SHISA9: variants seen among roughly 807,000 people sequenced by gnomAD.
SHISA9 encodes shisa family member 9.
Under a neutral mutation model 38.0 loss-of-function variants are expected in SHISA9, and 13 were observed. The ratio of observed to expected loss-of-function variants is 0.34; its 90% CI spans 0.22 to 0.54. The LOEUF (loss-of-function observed/expected upper bound fraction) is 0.54. SHISA9 is among the 20% of genes least tolerant of loss of function. The probability of loss-of-function intolerance (pLI) is 0.91; values close to 1 mark genes in which losing one functional copy is unlikely to be tolerated. For missense variants in SHISA9, 538 were observed against 575.8 expected (o/e 0.93, Z 0.67); for synonymous variants, 275 against 242.0 (o/e 1.14, Z -1.27).
chr16:13,480,994 A>T, the SHISA9 span, among the ~76,000 whole-genome samples: 2 of 152,196 alleles, frequency 1.3e-5, no homozygotes, highest in African/African-American at 4.8e-5. Flanking sequence ...CCTTTTTTCT[A>T]TAAGCAATTA....
chr16:13,044,071 T>C (rs1216375273), intron 2 of SHISA9, among the ~76,000 whole-genome samples: 4 of 152,238 alleles, frequency 2.6e-5, no homozygotes, highest in Non-Finnish European at 5.9e-5. Context: ...TGGCTAGAGT[T>C]TGAAACTGGC....
intron 2 of SHISA9, among the ~76,000 whole-genome samples, chr16:13,022,134 T>C (rs1266838029): frequency 6.6e-6 from 1 of 152,016 alleles, no homozygotes; most frequent in Non-Finnish European, 1.5e-5. Context: ...TATCTGCGTG[T>C]CTCAAATCTC....
intron 2 of SHISA9, among the ~76,000 whole-genome samples, chr16:12,918,286 G>A (rs1317891178): frequency 1.3e-5 from 2 of 152,052 alleles, no homozygotes; most frequent in Non-Finnish European, 2.9e-5. Flanking sequence ...CTTTCAGTTC[G>A]CACTGGGAAA....
the SHISA9 span, among the ~76,000 whole-genome samples, chr16:13,427,135 T>G: frequency 1.3e-5 from 2 of 152,210 alleles, no homozygotes; most frequent in African/African-American, 2.4e-5. Flanking sequence ...GAAAGGGAGC[T>G]CTGGAGAGCA....
the SHISA9 span, among the ~76,000 whole-genome samples, chr16:13,484,007 A>G: frequency 6.6e-6 from 1 of 152,160 alleles, no homozygotes; most frequent in Non-Finnish European, 1.5e-5. Context: ...GAAATTTCAG[A>G]GGCCTGGGCT....
At chr16:12,976,795 C>A (rs956720716) in intron 2 of SHISA9, among the ~76,000 whole-genome samples, 1 of 151,992 alleles carries the variant, frequency 6.6e-6, no homozygotes, top group Non-Finnish European at 1.5e-5. Flanking sequence ...TCACCTGTGG[C>A]TTTGCCTGGA....
the SHISA9 span, among the ~76,000 whole-genome samples, chr16:13,433,053 C>A: frequency 6.6e-6 from 1 of 151,356 alleles, no homozygotes; most frequent in African/African-American, 2.4e-5. Context: ...GCACTTGTAA[C>A]CCTGAACTTA....
chr16:13,028,482 GAGA>G (rs1441422495), intron 2 of SHISA9, among the ~76,000 whole-genome samples: 2 of 152,294 alleles, frequency 1.3e-5, no homozygotes, highest in East Asian at 1.9e-4. Context: ...GCAGGCAAGA[GAGA>G]AGGAGAGCCA....
the SHISA9 span, among the ~76,000 whole-genome samples, chr16:13,486,168 G>A: frequency 6.6e-5 from 10 of 152,170 alleles, no homozygotes; most frequent in Non-Finnish European, 1.5e-4. Context: ...CCCTGAGAAT[G>A]GGGATCTAGA....
Position 12,974,340 on chromosome 16 carries a change from C to G in SHISA9, c.691+57525C>G, listed in dbSNP as rs61609125. On this transcript the variant is annotated intron_variant, in intron 2 of 4. Coordinates refer to ENST00000558583, the MANE Select transcript of SHISA9 (RefSeq NM_001145204.3). The stretch of plus-strand genomic sequence containing the variant: ...TTCCCTAAAGGAAAATTGACATGTT[C>G]TTACCCAAAGAAGGAGGCATGGAAA... Among the ~76,000 whole-genome samples the G allele has an allele frequency of 7.2e-3, 1,101 of 152,102 alleles. 34 individuals are homozygous for G. In the East Asian group the frequency reaches 0.12, roughly 16 times the overall value.
chr16:13,282,702 T>C, the SHISA9 span, among the ~76,000 whole-genome samples: 2 of 152,148 alleles, frequency 1.3e-5, no homozygotes, highest in Non-Finnish European at 2.9e-5. Flanking sequence ...TGTTTTGTTC[T>C]TTAGGTTGCA....
the SHISA9 span, among the ~76,000 whole-genome samples, chr16:13,420,117 G>A: frequency 1.4e-4 from 22 of 151,880 alleles, no homozygotes; most frequent in African/African-American, 4.3e-4. Flanking sequence ...GTGGTGGTGG[G>A]CACCTGTAAT....
At chr16:12,924,762 C>G (rs1057159049) in intron 2 of SHISA9, among the ~76,000 whole-genome samples, 1 of 152,170 alleles carries the variant, frequency 6.6e-6, no homozygotes, top group African/African-American at 2.4e-5. Flanking sequence ...TGACATTGAA[C>G]ATGGCTTTGA....
chr16:13,061,880 A>C (rs966426311), intron 2 of SHISA9, among the ~76,000 whole-genome samples: 1 of 152,144 alleles, frequency 6.6e-6, no homozygotes, highest in Admixed American at 6.5e-5. Context: ...AGAGCCATTG[A>C]ATGGTGGGGG....
At chr16:13,085,589 G>C (rs1475359725) in intron 2 of SHISA9, among the ~76,000 whole-genome samples, 1 of 152,180 alleles carries the variant, frequency 6.6e-6, no homozygotes, top group African/African-American at 2.4e-5. Flanking sequence ...CAGGGTTCAA[G>C]GCTGATAAAA....
At chr16:13,251,509 C>A in the SHISA9 span, among the ~76,000 whole-genome samples, 3 of 152,012 alleles carry the variant, frequency 2.0e-5, no homozygotes, top group Non-Finnish European at 2.9e-5. Flanking sequence ...CTAATGGTTG[C>A]GGGGAGAGGG....
At chr16:12,953,192 AAAAC>A (rs1434030248) in intron 2 of SHISA9, among the ~76,000 whole-genome samples, 3 of 149,438 alleles carry the variant, frequency 2.0e-5, no homozygotes, top group South Asian at 2.1e-4. Flanking sequence ...AAAAAAAAGA[AAAAC>A]AAAAAAACCC....
the SHISA9 span, among the ~76,000 whole-genome samples, chr16:13,529,388 G>C: frequency 6.6e-6 from 1 of 152,228 alleles, no homozygotes; most frequent in East Asian, 1.9e-4. Context: ...TTTAGACAAA[G>C]CTTTGTTCCT....
intron 2 of SHISA9, among the ~76,000 whole-genome samples, chr16:13,002,712 T>C (rs1004149893): frequency 2.6e-5 from 4 of 151,882 alleles, no homozygotes; most frequent in African/African-American, 9.7e-5. Flanking sequence ...TTTGTATTTT[T>C]AATAGAGATG....
Sources: gnomAD v4.1 joint callset for allele counts (sites outside exome capture counted in the v4.1 genomes callset) on GRCh38, gnomAD v4.1.1 for gene constraint, MANE v1.5 for transcripts, NCBI Gene and HGNC (gene_info 2026-07-23, HGNC 2026-07-21) for gene names.